Variants in AFF2 observed in about 807,000 individuals in gnomAD.
AFF2 encodes the protein AF4/FMR2 family member 2.
In AFF2, 14 loss-of-function variants were observed where a neutral mutation model predicts 76.9. The ratio of observed to expected loss-of-function variants is 0.18; its 90% CI spans 0.12 to 0.28. The LOEUF (loss-of-function observed/expected upper bound fraction) is 0.28. AFF2 is among the 10% of genes least tolerant of loss of function. AFF2 has a pLI of 1.00. For missense variants in AFF2, 868 were observed against 1,001.1 expected, an observed-to-expected ratio of 0.87 and a Z score of 1.79; for synonymous variants, 398 against 366.7, an observed-to-expected ratio of 1.09 and a Z score of -0.98.
chrX:148,541,654 T>C (rs1277030211), intron 1 of AFF2, among the ~76,000 whole-genome samples: 2 of 111,255 alleles, frequency 1.8e-5, no homozygotes, highest in African/African-American at 6.5e-5. Flanking sequence ...GATAGCATAG[T>C]TGAAATTTTA....
At chrX:148,836,665 A>C (rs1371576746) in intron 4 of AFF2, among the ~76,000 whole-genome samples, 1 of 111,170 alleles carries the variant, frequency 9.0e-6, no homozygotes, top group Non-Finnish European at 1.9e-5. Context: ...TGCTTCACAA[A>C]ACTTATCATC....
At chrX:148,511,167 G>C (rs1444999090) in intron 1 of AFF2, among the ~76,000 whole-genome samples, 1 of 111,338 alleles carries the variant, frequency 9.0e-6, no homozygotes, top group Admixed American at 9.5e-5. Context: ...TGAGATTTTA[G>C]ATTTTTGTGT....
intron 1 of AFF2, among the ~76,000 whole-genome samples, chrX:148,537,076 G>C (rs2052793963): frequency 8.9e-6 from 1 of 112,518 alleles, no homozygotes; most frequent in South Asian, 3.6e-4. Flanking sequence ...GGCAGCTAAT[G>C]CATGGTAAGA....
chrX:148,879,743 ATTC>A (rs2071075597), intron 7 of AFF2, among the ~76,000 whole-genome samples: 1 of 100,053 alleles, frequency 1.0e-5, no homozygotes, highest in African/African-American at 3.6e-5. Flanking sequence ...GTGAAATATT[ATTC>A]TTCTTTTGAT....
chrX:148,666,726 G>A (rs1272347125), intron 3 of AFF2, among the ~76,000 whole-genome samples: 2 of 111,622 alleles, frequency 1.8e-5, no homozygotes, highest in East Asian at 5.5e-4. Flanking sequence ...GAATTTTCTC[G>A]GAACTGCATC....
chrX:148,648,249 G>T (rs1557255792), intron 1 of AFF2, among the ~76,000 whole-genome samples: 1 of 110,958 alleles, frequency 9.0e-6, no homozygotes, highest in East Asian at 2.8e-4. Context: ...CACACAGGTG[G>T]GTGAAATCAC....
At chrX:148,725,873 C>G (rs1557264204) in intron 3 of AFF2, among the ~76,000 whole-genome samples, 1 of 112,120 alleles carries the variant, frequency 8.9e-6, no homozygotes, top group Non-Finnish European at 1.9e-5. Context: ...TCTTGAAGAA[C>G]TAGCAACAAA....
chrX:148,887,684 G>A (rs1475044321), intron 8 of AFF2, among the ~76,000 whole-genome samples: 1 of 111,710 alleles, frequency 9.0e-6, no homozygotes, highest in Non-Finnish European at 1.9e-5. Flanking sequence ...ACCTTTTTAT[G>A]ACATGTTGCC....
intron 1 of AFF2, among the ~76,000 whole-genome samples, chrX:148,515,200 A>G (rs192644413): frequency 8.9e-6 from 1 of 112,233 alleles, no homozygotes; most frequent in East Asian, 2.8e-4. Flanking sequence ...TTCGGGAGGC[A>G]GAGGCCTTTA....
chrX:148,584,558 T>A (rs1557245590), intron 1 of AFF2, among the ~76,000 whole-genome samples: 1 of 20,580 alleles, frequency 4.9e-5, no homozygotes, highest in Non-Finnish European at 9.0e-5. Flanking sequence ...AATGAAATGA[T>A]TTTTTTTTTT....
At chrX:148,591,426 CA>C (rs1237830988) in intron 1 of AFF2, among the ~76,000 whole-genome samples, 5 of 112,469 alleles carry the variant, frequency 4.4e-5, no homozygotes, top group Non-Finnish European at 9.4e-5. Flanking sequence ...AATTAACCAA[CA>C]AGAGCCTCAG....
intron 3 of AFF2, among the ~76,000 whole-genome samples, chrX:148,709,554 T>A (rs782011319): frequency 8.9e-6 from 1 of 112,491 alleles, no homozygotes; most frequent in African/African-American, 3.2e-5. Flanking sequence ...TTAAATCCTT[T>A]GAGTAGTGTA....
chrX:148,956,070 C>T lies in AFF2; in HGVS notation c.2025C>T (p.Ala675=), dbSNP rs782483612. Residue 675 remains alanine, a synonymous_variant, in exon 11 of 21, where the codon GCC becomes GCT. Transcript: ENST00000370460. The part of the protein sequence containing the change: ...DPPRGRNKAT[A]HKPAPRKEPR... The stretch of plus-strand genomic sequence containing the variant: ...CAAGAGGCCGCAACAAAGCCACTGC[C>T]CACAAACCAGCCCCTAGGAAAGAAC... 8.3e-7 allele frequency: 1 copy of T among 1,210,896 alleles called. No homozygotes were observed. The highest frequency in any genetic ancestry group is 2.2e-5 in the Admixed American group (1 of 45,947).
At chrX:148,768,675 A>G (rs1569555202) in intron 3 of AFF2, among the ~76,000 whole-genome samples, 1 of 112,522 alleles carries the variant, frequency 8.9e-6, no homozygotes. Context: ...CACATAGAGA[A>G]TAAATTAAAA....
At chrX:148,533,096 T>C (rs1209820895) in intron 1 of AFF2, among the ~76,000 whole-genome samples, 3 of 111,590 alleles carry the variant, frequency 2.7e-5, no homozygotes, top group Non-Finnish European at 5.6e-5. Flanking sequence ...TTATCTTCTG[T>C]CTCTGGGATT....
At chrX:148,611,423 A>G (rs2053731270) in intron 1 of AFF2, among the ~76,000 whole-genome samples, 1 of 112,271 alleles carries the variant, frequency 8.9e-6, no homozygotes, top group Non-Finnish European at 1.9e-5. Flanking sequence ...GTAACAAATC[A>G]TCACACACTT....
chrX:148,766,390 C>T lies in AFF2; in HGVS notation c.1042-43486C>T, dbSNP rs200545347. Among the ~76,000 whole-genome samples, 30 of 109,858 alleles carry T rather than the reference C, an allele frequency of 2.7e-4. No individual in the cohort carries two copies. In the East Asian group the frequency reaches 2.9e-3, roughly 11 times the overall value. On this transcript the variant is annotated intron_variant, in intron 3 of 20. Coordinates refer to ENST00000370460, the MANE Select transcript of AFF2 (RefSeq NM_002025.4). ...TGTTGTTTCCTGACTTTTTAATGAT[C>T]GCCATTCTAACTGGTGTGAGATGGT...
chrX:148,652,475 GAATGTC>G (rs1333672793), intron 2 of AFF2, among the ~76,000 whole-genome samples: 6 of 111,792 alleles, frequency 5.4e-5, no homozygotes, highest in African/African-American at 2.0e-4. Flanking sequence ...GACTTCATCA[GAATGTC>G]AATGGAGATG....
chrX:148,789,408 A>T (rs1175318618), intron 3 of AFF2, among the ~76,000 whole-genome samples: 3 of 111,034 alleles, frequency 2.7e-5, no homozygotes, highest in African/African-American at 9.8e-5. Flanking sequence ...TCACTGAAAA[A>T]CTCTCTGAGA....
Sources: gnomAD v4.1 joint callset for allele counts (sites outside exome capture counted in the v4.1 genomes callset) on GRCh38, gnomAD v4.1.1 for gene constraint, MANE v1.5 for transcripts, NCBI Gene and HGNC (gene_info 2026-07-23, HGNC 2026-07-21) for gene names.